The following ZNRF2 variants were observed in gnomAD, a reference collection of about 807,000 sequenced individuals.
ZNRF2 encodes E3 ubiquitin-protein ligase ZNRF2.
In ZNRF2, 16 loss-of-function variants were observed where a neutral mutation model predicts 20.4. The ratio of observed to expected loss-of-function variants is 0.79; its 90% CI spans 0.53 to 1.19. The LOEUF (loss-of-function observed/expected upper bound fraction) is 1.19. Among genes scored for constraint, ZNRF2 ranks in the 50% most tolerant of loss-of-function variants. ZNRF2 has a pLI of 0.00. For missense variants in ZNRF2, 363 were observed against 332.4 expected, an observed-to-expected ratio of 1.09 and a Z score of -0.72; for synonymous variants, 178 against 144.9, an observed-to-expected ratio of 1.23 and a Z score of -1.64.
chr7:30,327,694 A>G (rs1190047285), intron 2 of ZNRF2, among the ~76,000 whole-genome samples: 1 of 151,914 alleles, frequency 6.6e-6, no homozygotes, highest in Non-Finnish European at 1.5e-5. Flanking sequence ...AAAAATATAT[A>G]TATTTTTGTT....
intron 1 of ZNRF2, among the ~76,000 whole-genome samples, chr7:30,291,248 G>A (rs1325988395): frequency 2.0e-5 from 3 of 152,204 alleles, no homozygotes; most frequent in African/African-American, 4.8e-5. Flanking sequence ...AGAAAGTGGA[G>A]CCAGTTGAAA....
At chr7:30,288,411 C>G (rs1174048328) in intron 1 of ZNRF2, among the ~76,000 whole-genome samples, 1 of 152,138 alleles carries the variant, frequency 6.6e-6, no homozygotes, top group Non-Finnish European at 1.5e-5. Context: ...CAAAATTATT[C>G]TCTTGTGAGC....
At chr7:30,303,756 A>T (rs961004973) in intron 1 of ZNRF2, among the ~76,000 whole-genome samples, 2 of 152,206 alleles carry the variant, frequency 1.3e-5, no homozygotes, top group African/African-American at 2.4e-5. Context: ...AACTTGTTAC[A>T]CACATTTTTG....
intron 2 of ZNRF2, among the ~76,000 whole-genome samples, chr7:30,325,942 T>G (rs1244997700): frequency 2.6e-5 from 4 of 152,182 alleles, no homozygotes; most frequent in Admixed American, 6.5e-5. Flanking sequence ...CTATCTTATA[T>G]TCTATAATTG....
At chr7:30,363,395 G>GTA (rs1288672773) in intron 4 of ZNRF2, among the ~76,000 whole-genome samples, 5 of 152,142 alleles carry the variant, frequency 3.3e-5, no homozygotes, top group African/African-American at 1.2e-4. Context: ...AAGAAATTAA[G>GTA]TATAGAGAGG....
intron 2 of ZNRF2, among the ~76,000 whole-genome samples, chr7:30,332,257 C>G (rs948929243): frequency 6.6e-6 from 1 of 152,126 alleles, no homozygotes; most frequent in Admixed American, 6.5e-5. Context: ...TAGTTCTTCA[C>G]AGAAGAACTT....
At chr7:30,341,447 C>G (rs1383417259) in intron 2 of ZNRF2, among the ~76,000 whole-genome samples, 1 of 152,120 alleles carries the variant, frequency 6.6e-6, no homozygotes, top group Non-Finnish European at 1.5e-5. Flanking sequence ...TTTTTGTTCT[C>G]ATTTATTTCA....
chr7:30,357,513 A>G (rs896987125), intron 3 of ZNRF2, among the ~76,000 whole-genome samples: 2 of 152,202 alleles, frequency 1.3e-5, no homozygotes, highest in African/African-American at 2.4e-5. Flanking sequence ...TGAAAACCCA[A>G]TAAGCCAAGT....
chr7:30,306,177 A>G (rs1799201451), intron 1 of ZNRF2, among the ~76,000 whole-genome samples: 1 of 152,234 alleles, frequency 6.6e-6, no homozygotes, highest in Non-Finnish European at 1.5e-5. Context: ...CACTCTTACT[A>G]TCAAAATAAT....
rs189715737 is a variant in ZNRF2, at chr7:30,336,382, C to G, written c.565+12645C>G. 6.6e-5 allele frequency among the ~76,000 whole-genome samples: 10 copies of G among 152,192 alleles called. No individual in the cohort carries two copies. In the East Asian group the frequency reaches 1.9e-3, roughly 29 times the overall value. ...CTGAGTAGTTTGGTATCTTCTCAGC[C>G]ACTGAGTAGTTTGGTTTCAGGGAGG... On this transcript the variant is annotated intron_variant, in intron 2 of 4. Coordinates refer to ENST00000323037, the MANE Select transcript of ZNRF2 (RefSeq NM_147128.4).
intron 2 of ZNRF2, among the ~76,000 whole-genome samples, chr7:30,354,521 G>A (rs1800007454): frequency 6.6e-6 from 1 of 152,124 alleles, no homozygotes; most frequent in African/African-American, 2.4e-5. Context: ...CTTATAGAAT[G>A]AATTTTTCTG....
At chr7:30,331,366 G>T (rs1046781001) in intron 2 of ZNRF2, among the ~76,000 whole-genome samples, 3 of 152,044 alleles carry the variant, frequency 2.0e-5, no homozygotes, top group Admixed American at 1.3e-4. Flanking sequence ...TGTAAATAAA[G>T]AACAGAAAGT....
intron 1 of ZNRF2, among the ~76,000 whole-genome samples, chr7:30,298,269 C>T (rs1202402192): frequency 3.3e-5 from 5 of 151,954 alleles, no homozygotes; most frequent in Non-Finnish European, 7.4e-5. Context: ...TATGTGTATG[C>T]TTTGTTCCCT....
intron 2 of ZNRF2, among the ~76,000 whole-genome samples, chr7:30,337,810 T>C (rs1799738561): frequency 6.6e-6 from 1 of 152,096 alleles, no homozygotes; most frequent in Admixed American, 6.6e-5. Flanking sequence ...ACAGGTAATA[T>C]GTTTGCATGG....
At position 30,293,968 on chromosome 7, in the gene ZNRF2, G is replaced by A. The variant is rs73309203; in HGVS notation, c.469+8142G>A. On this transcript the variant is annotated intron_variant, in intron 1 of 4. Transcript: ENST00000323037. Reference sequence around the variant, plus strand: ...GTGAGCTGAGGAAAAAAAGAAGAATGAAGCCATGCATACATAATGGGTTAT... The same window carrying A: ...GTGAGCTGAGGAAAAAAAGAAGAATAAAGCCATGCATACATAATGGGTTAT... Among the ~76,000 whole-genome samples the A allele has an allele frequency of 8.1e-3, 1,226 of 152,190 alleles. 16 individuals carry two copies. Among genetic ancestry groups the A allele is most frequent in the African/African-American group, 0.028 (1,163 of 41,542 alleles).
chr7:30,294,612 A>G (rs539600897), intron 1 of ZNRF2, among the ~76,000 whole-genome samples: 153 of 152,084 alleles, frequency 1.0e-3, no homozygotes, highest in African/African-American at 3.4e-3. Flanking sequence ...GTGAAACCCC[A>G]TCTCTACTAA....
intron 3 of ZNRF2, among the ~76,000 whole-genome samples, chr7:30,360,230 T>C (rs182202213): frequency 3.3e-5 from 5 of 152,328 alleles, no homozygotes; most frequent in Admixed American, 2.0e-4. Context: ...AGCCTTGCTG[T>C]GATTTTTTAA....
At chr7:30,334,301 T>C (rs1048714322) in intron 2 of ZNRF2, among the ~76,000 whole-genome samples, 10 of 152,156 alleles carry the variant, frequency 6.6e-5, no homozygotes, top group Admixed American at 6.5e-5. Flanking sequence ...ATCAGTTGGT[T>C]ATAAGTATGT....
intron 3 of ZNRF2, among the ~76,000 whole-genome samples, chr7:30,361,550 T>A (rs1452617382): frequency 6.6e-6 from 1 of 152,218 alleles, no homozygotes; most frequent in African/African-American, 2.4e-5. Context: ...GTTAGGCAAG[T>A]AATAGCTAGT....
Sources: allele counts gnomAD v4.1 joint callset (sites outside exome capture counted in the v4.1 genomes callset), GRCh38; gene constraint gnomAD v4.1.1; transcripts MANE v1.5; gene names NCBI Gene and HGNC (gene_info 2026-07-23, HGNC 2026-07-21).